Variants in QTGAL observed in about 807,000 individuals in gnomAD.
QTGAL encodes BGnT-like protein 1.
the QTGAL span, among the ~76,000 whole-genome samples, chr17:82,956,363 T>C: frequency 2.0e-5 from 3 of 152,176 alleles, no homozygotes; most frequent in Admixed American, 2.0e-4. This position sits in a 1 kb window ranked among gnomAD's most constrained non-coding sequence, Gnocchi z 5.7. Context: ...CCTTGGCCCC[T>C]CAGACATGGC....
the QTGAL span, among the ~76,000 whole-genome samples, chr17:82,999,004 GGAA>G: frequency 6.6e-6 from 1 of 151,696 alleles, no homozygotes. Context: ...GCAAGGACAT[GGAA>G]GAACTGAATT....
At chr17:82,999,541 G>A in the QTGAL span, among the ~76,000 whole-genome samples, 156 of 152,288 alleles carry the variant, frequency 1.0e-3, no homozygotes, top group Non-Finnish European at 1.6e-3. Context: ...AAGCCTTACC[G>A]ATAACATCAA....
chr17:82,956,616 T>C, the QTGAL span: 3 of 1,419,404 alleles, frequency 2.1e-6, no homozygotes, highest in Admixed American at 2.3e-5. The surrounding 1 kb of genome is among the most constrained non-coding windows in gnomAD (Gnocchi z 5.7). Flanking sequence ...CACACAGTCA[T>C]TGCACAGCAG....
chr17:83,047,008 G>C, the QTGAL span, among the ~76,000 whole-genome samples: 64 of 152,366 alleles, frequency 4.2e-4, no homozygotes, highest in Admixed American at 8.5e-4. Flanking sequence ...GAAATGTCCA[G>C]AACAGGCAAA....
chr17:82,977,431 G>C, the QTGAL span, among the ~76,000 whole-genome samples: 1 of 152,260 alleles, frequency 6.6e-6, no homozygotes, highest in South Asian at 2.1e-4. Context: ...TGTTGGGAGG[G>C]GGGTGAGTAC....
At chr17:82,960,971 G>C in the QTGAL span, 1 of 1,493,194 alleles carries the variant, frequency 6.7e-7, no homozygotes, top group Non-Finnish European at 9.0e-7. Context: ...CTCTGGGGTC[G>C]GCCCCACCAA....
At chr17:82,970,643 C>CACAGCGTGG in the QTGAL span, among the ~76,000 whole-genome samples, 4 of 112,832 alleles carry the variant, frequency 3.5e-5, 1 homozygote, top group African/African-American at 1.1e-4. Flanking sequence ...GACCTCCGCA[C>CACAGCGTGG]CCGGTGTGGC....
the QTGAL span, among the ~76,000 whole-genome samples, chr17:82,973,777 C>T: frequency 6.6e-6 from 1 of 152,210 alleles, no homozygotes; most frequent in African/African-American, 2.4e-5. Flanking sequence ...TACGAACAGT[C>T]GGACTGGGTC....
At chr17:82,972,148 T>C in the QTGAL span, among the ~76,000 whole-genome samples, 33 of 50,458 alleles carry the variant, frequency 6.5e-4, no homozygotes, top group Admixed American at 8.9e-4. Context: ...GACCTGGTAC[T>C]GACCACACCA....
At chr17:83,007,680 G>C in the QTGAL span, among the ~76,000 whole-genome samples, 1 of 152,142 alleles carries the variant, frequency 6.6e-6, no homozygotes, top group African/African-American at 2.4e-5. Flanking sequence ...CTTCCACTGC[G>C]CATGCCCGAC....
the QTGAL span, among the ~76,000 whole-genome samples, chr17:83,036,914 T>C: frequency 6.6e-6 from 1 of 152,090 alleles, no homozygotes; most frequent in East Asian, 1.9e-4. Flanking sequence ...CAGAAATTCA[T>C]GCGTGGCAAG....
the QTGAL span, among the ~76,000 whole-genome samples, chr17:82,973,668 G>T: frequency 6.6e-6 from 1 of 152,108 alleles, no homozygotes; most frequent in Non-Finnish European, 1.5e-5. Context: ...CCTACACCGC[G>T]GGAACCACAC....
At chr17:82,954,059 A>T in the QTGAL span, among the ~76,000 whole-genome samples, 1 of 152,182 alleles carries the variant, frequency 6.6e-6, no homozygotes, top group African/African-American at 2.4e-5. Context: ...GGCAAAAGCT[A>T]GAAGCATTCC....
the QTGAL span, among the ~76,000 whole-genome samples, chr17:82,985,833 G>A: frequency 2.0e-5 from 3 of 149,606 alleles, no homozygotes; most frequent in Non-Finnish European, 3.0e-5. Flanking sequence ...TCCCTGCCCC[G>A]TGAGACAGCT....
chr17:82,973,074 C>G, the QTGAL span, among the ~76,000 whole-genome samples: 1 of 152,242 alleles, frequency 6.6e-6, no homozygotes, highest in Non-Finnish European at 1.5e-5. Context: ...CCAGCCTGGA[C>G]AGGGCCATGT....
the QTGAL span, among the ~76,000 whole-genome samples, chr17:83,032,055 A>G: frequency 6.6e-6 from 1 of 152,170 alleles, no homozygotes; most frequent in Non-Finnish European, 1.5e-5. Flanking sequence ...CAGGCCTCCG[A>G]CGCAGACCGA....
At chr17:83,033,976 T>C in the QTGAL span, among the ~76,000 whole-genome samples, 1 of 152,132 alleles carries the variant, frequency 6.6e-6, no homozygotes, top group Non-Finnish European at 1.5e-5. Context: ...AGTCTCACTC[T>C]GTCTCCCAGG....
chr17:83,034,786 G>A, the QTGAL span, among the ~76,000 whole-genome samples: 2 of 152,326 alleles, frequency 1.3e-5, no homozygotes, highest in South Asian at 2.1e-4. Context: ...CGGCCGCCAC[G>A]TCAGACATGC....
At chr17:82,969,687 T>A in the QTGAL span, among the ~76,000 whole-genome samples, 13 of 152,200 alleles carry the variant, frequency 8.5e-5, no homozygotes, top group African/African-American at 2.4e-4. Flanking sequence ...CCCCATCTTT[T>A]AAATTTTTTT....
Sources: allele counts gnomAD v4.1 joint callset (sites outside exome capture counted in the v4.1 genomes callset), GRCh38; gene constraint gnomAD v4.1.1; non-coding constraint Gnocchi (gnomAD v3.1); transcripts MANE v1.5; gene names NCBI Gene and HGNC (gene_info 2026-07-23, HGNC 2026-07-21).